Variants in GGTLC2 observed in about 807,000 individuals in gnomAD.
GGTLC2 encodes the protein glutathione hydrolase light chain 2.
A neutral mutation model predicts 20.2 loss-of-function variants in GGTLC2; 13 were observed. That is an observed-to-expected ratio of 0.64 (90% CI 0.42 to 1.02). GGTLC2 has a LOEUF of 1.02. Ranked by LOEUF, GGTLC2 falls within the 50% of genes least tolerant of loss-of-function variation. The probability of loss-of-function intolerance (pLI) is 0.00; values close to 1 mark genes in which losing one functional copy is unlikely to be tolerated. For synonymous variants in GGTLC2, 89 were observed against 125.5 expected (o/e 0.71, Z 1.94); for missense variants, 202 against 301.3 (o/e 0.67, Z 2.44).
chr22:22,644,818 GA>G, intron 1 of GGTLC2, 110 bp downstream of exon 1: 1 of 76,386 alleles, frequency 1.3e-5, no homozygotes, highest in South Asian at 7.7e-4. Context: ...TGCTGAGGTG[GA>G]GATTGCAGTG....
chr22:22,646,750 G>A lies in GGTLC2; in HGVS notation c.177-4G>A, dbSNP rs1436546876. On this transcript the variant is annotated splice_polypyrimidine_tract_variant and splice_region_variant and intron_variant, in intron 2 of 5. Coordinates refer to ENST00000448514, the MANE Select transcript of GGTLC2 (RefSeq NM_199127.3). ...AGGTGCTGTCTGACCTGGCTGGGCG[G>A]TAGCTTTGGCTCCAAGGTCCGCTCC... 6.2e-7 allele frequency: 1 copy of A among 1,609,344 alleles called. No homozygotes were observed. The highest frequency in any genetic ancestry group is 1.7e-5 in the Admixed American group (1 of 59,816).
Position 22,646,465 on chromosome 22 carries a change from G to C in GGTLC2, c.120G>C (p.Leu40=), listed in dbSNP as rs1463858774. 3.9e-6 allele frequency: 6 copies of C among 1,546,098 alleles called. 1 individual carries two copies. Among genetic ancestry groups the C allele is most frequent in the Middle Eastern group, 2.3e-4 (1 of 4,330 alleles). ...YTPVDGGTAH[L]SVVAEDGSAV... The stretch of plus-strand genomic sequence containing the variant: ...CGGTTGATGGGGGCACTGCTCACCT[G>C]TCTGTCGTCGCAGAGGACGGCAGTG... The change falls in exon 2 of 6, where the codon CTG becomes CTC. Residue 40 remains leucine (L), a synonymous_variant. Transcript: ENST00000448514.
intron 1 of GGTLC2, among the ~76,000 whole-genome samples, 172 bp downstream of exon 1, chr22:22,644,880 C>CTTTT (rs2063986632): frequency 1.7e-5 from 1 of 57,938 alleles, no homozygotes; most frequent in Non-Finnish European, 2.9e-5. Context: ...GTCAGACTCT[C>CTTTT]TCTTTTTTTT....
intron 1 of GGTLC2, among the ~76,000 whole-genome samples, chr22:22,645,391 C>G (rs2064029296): frequency 6.8e-6 from 1 of 146,754 alleles, no homozygotes; most frequent in Admixed American, 6.8e-5. Context: ...GCCCGTGAAC[C>G]CATGCTTATT....
chr22:22,646,687 A>G, intron 2 of GGTLC2, 67 bp from the exon 3 acceptor site: 1 of 1,581,850 alleles, frequency 6.3e-7, no homozygotes, highest in Non-Finnish European at 8.6e-7. Flanking sequence ...TTTGAGCCTC[A>G]GTGGGTGGAT....
Position 22,646,428 on chromosome 22 carries a change from A to C in GGTLC2, c.83A>C (p.Glu28Ala), listed in dbSNP as rs1467061812. The C allele has an allele frequency of 1.3e-6, 2 of 1,532,582 alleles. No homozygotes were observed. Among genetic ancestry groups the C allele is most frequent in the South Asian group, 2.3e-5 (2 of 86,274 alleles). The allele number at this position is 1,532,582 out of a possible 1,614,324, so 94.9% of individuals were successfully genotyped here. A position where few individuals can be genotyped will look rare whatever the true frequency, so the allele number is the denominator to read the frequency against. The change falls in exon 2 of 6, where the codon GAG becomes GCG. Residue 28 changes from glutamate to alanine, a missense_variant. Physicochemically the swap from Glu to Ala is moderately radical, Grantham distance 107. Coordinates refer to ENST00000448514, the MANE Select transcript of GGTLC2 (RefSeq NM_199127.3). ...TTHPISYYKP[E>A]FYTPVDGGTA... Reference sequence around the variant, plus strand: ...CACCCGATCTCCTACTACAAGCCCGAGTTCTACACGCCGGTTGATGGGGGC... The same window carrying C: ...CACCCGATCTCCTACTACAAGCCCGCGTTCTACACGCCGGTTGATGGGGGC...
At chr22:22,645,433 C>G (rs74394689) in intron 1 of GGTLC2, among the ~76,000 whole-genome samples, 2 of 149,312 alleles carry the variant, frequency 1.3e-5, no homozygotes, top group African/African-American at 4.9e-5. Flanking sequence ...CACCCATGCT[C>G]TTCAGGTCTG....
intron 1 of GGTLC2, among the ~76,000 whole-genome samples, chr22:22,645,731 T>C (rs1006618082): frequency 2.6e-5 from 4 of 151,514 alleles, no homozygotes; most frequent in Non-Finnish European, 4.4e-5. Context: ...TCCTGTGGGA[T>C]GGGCCCCAGC....
At chr22:22,645,947 T>C (rs2064062217) in intron 1 of GGTLC2, 1 of 331,224 alleles carries the variant, frequency 3.0e-6, no homozygotes, top group Admixed American at 4.3e-5. Context: ...TGGCTTGTGG[T>C]TTCAGCACTT....
chr22:22,646,535 G>A lies in GGTLC2; in HGVS notation c.176+14G>A, dbSNP rs1247751563. ...CATCAACCTCTAGTAGGGGCTGCTG[G>A]GCCGCCTGGGTGGGAAAGGGCCAGG... On this transcript the variant is annotated intron_variant, in intron 2 of 5. Transcript: ENST00000448514. The A allele has an allele frequency of 6.5e-7, 1 of 1,540,056 alleles. No individual in the cohort carries two copies. The highest frequency in any genetic ancestry group is 8.8e-7 in the Non-Finnish European group (1 of 1,140,780).
rs2904923 is a variant in GGTLC2, at chr22:22,646,786, A to G, written c.209A>G (p.Glu70Gly). ...FGSKVRSPVS[E>G]ILFNDEMDDF... ...TCCAAGGTCCGCTCCCCGGTCAGCG[A>G]GATCCTGTTCAATGATGAAATGGAT... Residue 70 changes from glutamate (E) to glycine (G), a missense_variant, in exon 3 of 6, where the codon GAG becomes GGG. Glu to Gly is a moderately conservative substitution (Grantham distance 98). Coordinates refer to ENST00000448514, the MANE Select transcript of GGTLC2 (RefSeq NM_199127.3). 0.87 allele frequency: 1,388,998 copies of G among 1,590,358 alleles called. 610,264 individuals are homozygous for G. Among genetic ancestry groups the G allele is most frequent in the East Asian group, 1 (44,649 of 44,662 alleles).
chr22:22,646,902 G>A, intron 3 of GGTLC2, 21 bp downstream of exon 3: 2 of 1,588,576 alleles, frequency 1.3e-6, no homozygotes, highest in Non-Finnish European at 1.7e-6. Flanking sequence ...GAGGTCTGGG[G>A]ATGGGGGACT....
chr22:22,647,550 G>T, intron 5 of GGTLC2, 45 bp from the exon 6 acceptor site: 2 of 1,603,478 alleles, frequency 1.2e-6, no homozygotes, highest in Non-Finnish European at 1.7e-6. Context: ...GGTTCAGGTG[G>T]CATCTGGAGC....
At chr22:22,644,966 C>A (rs1301615163) in intron 1 of GGTLC2, among the ~76,000 whole-genome samples, 1 of 121,444 alleles carries the variant, frequency 8.2e-6, no homozygotes, top group Non-Finnish European at 1.6e-5. Context: ...TCTCTGGGCT[C>A]ACCGCAAGCT....
intron 2 of GGTLC2, 88 bp from the exon 3 acceptor site, chr22:22,646,666 C>T (rs1201040925): frequency 1.3e-6 from 2 of 1,551,152 alleles, no homozygotes; most frequent in Non-Finnish European, 1.8e-6. Flanking sequence ...CTGGGCCTCT[C>T]AGTGAGTATG....
chr22:22,645,846 C>A (rs5751466), intron 1 of GGTLC2, among the ~76,000 whole-genome samples: 26,142 of 144,426 alleles, frequency 0.18, 1,471 homozygotes, highest in African/African-American at 0.23. Context: ...CCATTTAGGC[C>A]ACATTCCAGG....
chr22:22,644,882 CTTTT>C (rs1180593782), intron 1 of GGTLC2, among the ~76,000 whole-genome samples, 174 bp downstream of exon 1: 5 of 32,536 alleles, frequency 1.5e-4, no homozygotes, highest in African/African-American at 4.7e-4. Flanking sequence ...CAGACTCTCT[CTTTT>C]TTTTTTTTTT....
chr22:22,644,963 G>A (rs543320932), intron 1 of GGTLC2, among the ~76,000 whole-genome samples: 43 of 121,926 alleles, frequency 3.5e-4, no homozygotes, highest in African/African-American at 1.4e-3. Context: ...TGATCTCTGG[G>A]CTCACCGCAA....
intron 1 of GGTLC2, among the ~76,000 whole-genome samples, chr22:22,645,094 G>T (rs1045747336): frequency 7.5e-6 from 1 of 134,154 alleles, no homozygotes; most frequent in African/African-American, 2.9e-5. Flanking sequence ...GGGTTTCACC[G>T]TGTTAGCCAG....
Sources: gnomAD v4.1 joint callset for allele counts (sites outside exome capture counted in the v4.1 genomes callset) on GRCh38, gnomAD v4.1.1 for gene constraint, MANE v1.5 for transcripts, NCBI Gene and HGNC (gene_info 2026-07-23, HGNC 2026-07-21) for gene names.